Variants in SUMF1 observed in about 807,000 individuals in gnomAD.
The protein encoded by SUMF1 is sulfatase modifying factor 1, also known as formylglycine-generating enzyme.
SUMF1 carries 48 observed loss-of-function variants against 47.6 expected under a neutral mutation model. The ratio of observed to expected loss-of-function variants is 1.01; its 90% CI spans 0.80 to 1.28. The LOEUF (loss-of-function observed/expected upper bound fraction) is 1.28. Among genes scored for constraint, SUMF1 ranks in the 50% most tolerant of loss-of-function variants. SUMF1 has a pLI of 0.00. For missense variants in SUMF1, 571 were observed against 485.4 expected, an observed-to-expected ratio of 1.18 and a Z score of -1.66; for synonymous variants, 230 against 192.1, an observed-to-expected ratio of 1.20 and a Z score of -1.63.
At chr3:4,340,692 C>A (rs978489466) in intron 8 of SUMF1, among the ~76,000 whole-genome samples, 3 of 152,150 alleles carry the variant, frequency 2.0e-5, no homozygotes, top group African/African-American at 7.2e-5. Context: ...TAAGAGGCAA[C>A]AGTGACAGGA....
At chr3:4,113,281 T>A (rs1354124330) in intron 8 of SUMF1, among the ~76,000 whole-genome samples, 3 of 152,040 alleles carry the variant, frequency 2.0e-5, no homozygotes, top group African/African-American at 7.2e-5. Flanking sequence ...GTAATCTCAA[T>A]ACTTTGGGAG....
chr3:4,174,752 C>T (rs971099130), intron 8 of SUMF1, among the ~76,000 whole-genome samples: 5 of 152,146 alleles, frequency 3.3e-5, no homozygotes, highest in African/African-American at 7.2e-5. Context: ...CCAGGAAGCA[C>T]AAGGGGTCAG....
At chr3:4,288,200 T>C (rs1020086556) in intron 8 of SUMF1, among the ~76,000 whole-genome samples, 1 of 152,192 alleles carries the variant, frequency 6.6e-6, no homozygotes, top group Non-Finnish European at 1.5e-5. Context: ...GGTACATAGA[T>C]ACCAGTTTCC....
At chr3:4,318,472 C>A (rs866823560) in intron 8 of SUMF1, among the ~76,000 whole-genome samples, 2 of 152,272 alleles carry the variant, frequency 1.3e-5, no homozygotes. Context: ...TCTATGAAGA[C>A]CCACAGCTAA....
At chr3:4,189,036 G>A (rs1695261050) in intron 8 of SUMF1, among the ~76,000 whole-genome samples, 1 of 151,966 alleles carries the variant, frequency 6.6e-6, no homozygotes, top group Non-Finnish European at 1.5e-5. Context: ...TATAGTTTAA[G>A]ATACATAAGT....
At chr3:4,288,250 T>C (rs1697674167) in intron 8 of SUMF1, among the ~76,000 whole-genome samples, 1 of 152,180 alleles carries the variant, frequency 6.6e-6, no homozygotes, top group Non-Finnish European at 1.5e-5. Context: ...GCAAACGTAC[T>C]GACAAGGGAA....
At chr3:4,440,753 G>C (rs139598826) in intron 3 of SUMF1, among the ~76,000 whole-genome samples, 101 of 152,280 alleles carry the variant, frequency 6.6e-4, no homozygotes, top group African/African-American at 2.3e-3. Flanking sequence ...CCTCTCATTT[G>C]TCAAGGATAC....
chr3:4,451,715 G>C (rs1475251661), intron 2 of SUMF1, among the ~76,000 whole-genome samples: 2 of 152,220 alleles, frequency 1.3e-5, no homozygotes, highest in African/African-American at 2.4e-5. Flanking sequence ...TTGAGACAGA[G>C]TCTTGCTCTT....
At chr3:4,441,087 G>C (rs1194152759) in intron 3 of SUMF1, among the ~76,000 whole-genome samples, 1 of 152,124 alleles carries the variant, frequency 6.6e-6, no homozygotes, top group Non-Finnish European at 1.5e-5. Flanking sequence ...CAAACAGCAG[G>C]AGGTGAGTGG....
chr3:4,357,285 TGTTCCAGAAAGCACTATGTTTACGGTG>T (rs1277715458), downstream of SUMF1, among the ~76,000 whole-genome samples: 4 of 150,640 alleles, frequency 2.7e-5, no homozygotes, highest in African/African-American at 7.3e-5. Flanking sequence ...ATGTTTACGG[TGTTCCAGAAAGCACTATGTTTACGGTG>T]GTTTTTTTTT....
intron 7 of SUMF1, among the ~76,000 whole-genome samples, chr3:4,383,970 T>G (rs1700589990): frequency 7.0e-6 from 1 of 143,012 alleles, no homozygotes; most frequent in Non-Finnish European, 1.6e-5. Context: ...CATATTACAG[T>G]TATATATGTG....
chr3:4,466,066 AT>A (rs2079935978), intron 1 of SUMF1, among the ~76,000 whole-genome samples: 1 of 152,206 alleles, frequency 6.6e-6, no homozygotes, highest in South Asian at 2.1e-4. Flanking sequence ...CAACACATCA[AT>A]ATGCAAAATA....
At chr3:4,394,916 C>A (rs1031783669) in intron 7 of SUMF1, among the ~76,000 whole-genome samples, 1 of 152,152 alleles carries the variant, frequency 6.6e-6, no homozygotes, top group Admixed American at 6.5e-5. Flanking sequence ...CTAAAAGAAG[C>A]CTCTTTCAAT....
chr3:4,143,292 G>A (rs1288072638), intron 8 of SUMF1, among the ~76,000 whole-genome samples: 2 of 152,122 alleles, frequency 1.3e-5, no homozygotes, highest in Admixed American at 6.6e-5. Context: ...AGAAAAGTTG[G>A]TGCAAATTTC....
chr3:4,354,968 T>C (rs1699586091), intron 8 of SUMF1, among the ~76,000 whole-genome samples: 1 of 152,196 alleles, frequency 6.6e-6, no homozygotes, highest in East Asian at 1.9e-4. Context: ...TGCCTTACAG[T>C]GGCACAGTTA....
intron 8 of SUMF1, among the ~76,000 whole-genome samples, chr3:4,152,046 A>G (rs1694348226): frequency 6.6e-6 from 1 of 151,604 alleles, no homozygotes. Context: ...GTAACCTCAC[A>G]TCAATATCTA....
intron 8 of SUMF1, among the ~76,000 whole-genome samples, chr3:4,142,186 C>G (rs1694086368): frequency 6.6e-6 from 1 of 152,048 alleles, no homozygotes; most frequent in Non-Finnish European, 1.5e-5. Context: ...AATAGTTTGT[C>G]TGCTTTATTT....
chr3:4,239,782 C>A (rs952745329), intron 8 of SUMF1, among the ~76,000 whole-genome samples: 2 of 152,112 alleles, frequency 1.3e-5, no homozygotes, highest in African/African-American at 4.8e-5. Context: ...TGCCTGATTG[C>A]CCTGGCCAGA....
chr3:4,203,606 A>G (rs1384774710), intron 8 of SUMF1, among the ~76,000 whole-genome samples: 2 of 151,980 alleles, frequency 1.3e-5, no homozygotes, highest in African/African-American at 4.8e-5. Flanking sequence ...TTGATAAGTA[A>G]GGACTTTCTC....
Sources: gnomAD v4.1 joint callset for allele counts (sites outside exome capture counted in the v4.1 genomes callset) on GRCh38, gnomAD v4.1.1 for gene constraint, MANE v1.5 for transcripts, NCBI Gene and HGNC (gene_info 2026-07-23, HGNC 2026-07-21) for gene names.